REDIC1: variants seen among roughly 807,000 people sequenced by gnomAD.
The protein encoded by REDIC1 is regulator of DNA class I crossover intermediates 1, also known as HEI10 Interacting Protein 1.
At chr12:39,906,558 C>G in the REDIC1 span, among the ~76,000 whole-genome samples, 2 of 152,028 alleles carry the variant, frequency 1.3e-5, no homozygotes, top group African/African-American at 4.8e-5. Flanking sequence ...TTGAAAGAAA[C>G]CATTTTATTT....
At chr12:39,657,833 T>A in the REDIC1 span, among the ~76,000 whole-genome samples, 1 of 152,088 alleles carries the variant, frequency 6.6e-6, no homozygotes, top group African/African-American at 2.4e-5. Flanking sequence ...GTTTCACAAG[T>A]CTTTTATTTT....
chr12:39,894,799 A>G, the REDIC1 span, among the ~76,000 whole-genome samples: 1 of 152,194 alleles, frequency 6.6e-6, no homozygotes, highest in African/African-American at 2.4e-5. Flanking sequence ...TAGGGAATAA[A>G]GCAGGGAGAT....
At chr12:39,710,611 G>A in the REDIC1 span, among the ~76,000 whole-genome samples, 2 of 151,668 alleles carry the variant, frequency 1.3e-5, no homozygotes, top group East Asian at 3.9e-4. Context: ...TATTGTCTCT[G>A]AAAATTGTTG....
At chr12:39,655,922 G>T in the REDIC1 span, among the ~76,000 whole-genome samples, 1 of 152,046 alleles carries the variant, frequency 6.6e-6, no homozygotes, top group African/African-American at 2.4e-5. Context: ...CATTTTGGGG[G>T]AGAGTATTTG....
chr12:39,872,381 T>A, the REDIC1 span, among the ~76,000 whole-genome samples: 1 of 152,138 alleles, frequency 6.6e-6, no homozygotes, highest in Non-Finnish European at 1.5e-5. Flanking sequence ...AAGACTGCCA[T>A]AAGAGAATGT....
the REDIC1 span, among the ~76,000 whole-genome samples, chr12:39,861,012 CTTA>C: frequency 2.0e-5 from 3 of 152,206 alleles, no homozygotes; most frequent in African/African-American, 7.2e-5. Context: ...TCTGATCTGT[CTTA>C]ATAGTCTTAT....
At chr12:39,760,526 G>A in the REDIC1 span, among the ~76,000 whole-genome samples, 2 of 151,984 alleles carry the variant, frequency 1.3e-5, no homozygotes, top group Admixed American at 1.3e-4. Context: ...TCCCTTCCCT[G>A]ACTAGAGGGA....
At chr12:39,737,465 C>T in the REDIC1 span, among the ~76,000 whole-genome samples, 2 of 152,144 alleles carry the variant, frequency 1.3e-5, no homozygotes, top group Admixed American at 6.5e-5. Flanking sequence ...ACTGTATCTC[C>T]CTGGCAACAC....
At chr12:39,894,327 A>T in the REDIC1 span, among the ~76,000 whole-genome samples, 1 of 152,234 alleles carries the variant, frequency 6.6e-6, no homozygotes, top group Non-Finnish European at 1.5e-5. Context: ...ATTGAATCTG[A>T]TTAGTAGAAC....
At chr12:39,862,189 TA>T in the REDIC1 span, among the ~76,000 whole-genome samples, 27 of 152,330 alleles carry the variant, frequency 1.8e-4, no homozygotes, top group African/African-American at 5.3e-4. Context: ...TAAAATATTC[TA>T]AAAAGGAGAT....
chr12:39,757,897 T>C, the REDIC1 span: 1 of 152,186 alleles, frequency 6.6e-6, no homozygotes, highest in African/African-American at 2.4e-5. Context: ...GAGGCAATTA[T>C]TTTGATTAAG....
chr12:39,769,864 C>A, the REDIC1 span, among the ~76,000 whole-genome samples: 3 of 152,094 alleles, frequency 2.0e-5, no homozygotes, highest in Admixed American at 6.6e-5. Context: ...CTCTCCCACC[C>A]TCCCAGATGC....
chr12:39,758,171 A>G, the REDIC1 span: 1 of 151,626 alleles, frequency 6.6e-6, no homozygotes, highest in Non-Finnish European at 1.5e-5. Flanking sequence ...AAAAACCTCT[A>G]TAAAATATTA....
the REDIC1 span, among the ~76,000 whole-genome samples, chr12:39,660,961 C>T: frequency 6.6e-6 from 1 of 151,936 alleles, no homozygotes; most frequent in African/African-American, 2.4e-5. Flanking sequence ...CCAGTTCCAC[C>T]CATGTTGCTG....
At chr12:39,821,373 A>G in the REDIC1 span, among the ~76,000 whole-genome samples, 15 of 152,016 alleles carry the variant, frequency 9.9e-5, no homozygotes, top group Admixed American at 3.9e-4. Context: ...TTGTGCCACT[A>G]CACTCCAGCC....
the REDIC1 span, among the ~76,000 whole-genome samples, chr12:39,685,381 A>G: frequency 9.2e-5 from 14 of 152,314 alleles, no homozygotes; most frequent in Admixed American, 2.0e-4. Context: ...GGGAGCAAGG[A>G]GTCTCACATG....
chr12:39,749,150 C>CA, the REDIC1 span, among the ~76,000 whole-genome samples: 5 of 151,712 alleles, frequency 3.3e-5, 1 homozygote, highest in African/African-American at 9.7e-5. Flanking sequence ...TTGAAAAGAT[C>CA]AAAAAAATTG....
At chr12:39,905,322 T>C in the REDIC1 span, among the ~76,000 whole-genome samples, 2 of 152,240 alleles carry the variant, frequency 1.3e-5, no homozygotes, top group South Asian at 2.1e-4. Context: ...TGTAATCTGC[T>C]CATAAACAGC....
chr12:39,654,744 A>C, the REDIC1 span, among the ~76,000 whole-genome samples: 1 of 65,348 alleles, frequency 1.5e-5, no homozygotes, highest in Non-Finnish European at 4.2e-5. Context: ...TATCAGGGTA[A>C]TACTGGCCTC....
Sources: gnomAD v4.1 joint callset for allele counts (sites outside exome capture counted in the v4.1 genomes callset) on GRCh38, gnomAD v4.1.1 for gene constraint, MANE v1.5 for transcripts, NCBI Gene and HGNC (gene_info 2026-07-23, HGNC 2026-07-21) for gene names.